RNF19A: variants seen among roughly 807,000 people sequenced by gnomAD.
The protein encoded by RNF19A is ring finger protein 19A, RBR E3 ubiquitin protein ligase.
A neutral mutation model predicts 75.7 loss-of-function variants in RNF19A; 32 were observed. The ratio of observed to expected loss-of-function variants is 0.42; its 90% confidence interval spans 0.32 to 0.57. The LOEUF is 0.57. Ranked by LOEUF, RNF19A falls within the 20% of genes least tolerant of loss-of-function variation. The pLI is 0.10. For synonymous variants in RNF19A, 335 were observed against 345.2 expected (o/e 0.97, Z 0.33); for missense variants, 782 against 1,036.3 (o/e 0.75, Z 3.37).
intron 1 of RNF19A, among the ~76,000 whole-genome samples, chr8:100,296,097 TTTC>T (rs776748241): frequency 6.6e-5 from 10 of 152,178 alleles, no homozygotes; most frequent in Admixed American, 1.3e-4. Context: ...TATTCTTTTT[TTTC>T]TTTTTTTCCT....
At chr8:100,328,891 A>G (rs187938715) in intron 1 of RNF19A, among the ~76,000 whole-genome samples, 82 of 152,366 alleles carry the variant, frequency 5.4e-4, no homozygotes, top group Admixed American at 4.4e-3. Context: ...TGAGCAGGTC[A>G]TAAGGGAATA....
chr8:100,279,519 G>A (rs931221513), intron 2 of RNF19A, among the ~76,000 whole-genome samples: 6 of 151,676 alleles, frequency 4.0e-5, no homozygotes, highest in African/African-American at 9.7e-5. Context: ...GATTACAAGC[G>A]TGAGCCACCA....
At chr8:100,274,074 C>T (rs944111944) in intron 3 of RNF19A, among the ~76,000 whole-genome samples, 1 of 152,120 alleles carries the variant, frequency 6.6e-6, no homozygotes, top group African/African-American at 2.4e-5. Flanking sequence ...CATGAGCCAC[C>T]GTGACTGGCC....
chr8:100,292,746 C>T (rs1285391626), intron 1 of RNF19A, among the ~76,000 whole-genome samples: 1 of 152,154 alleles, frequency 6.6e-6, no homozygotes, highest in Non-Finnish European at 1.5e-5. Context: ...CTCCATGCCC[C>T]ACCCCCTACA....
At position 100,261,831 on chromosome 8, in the gene RNF19A, C is replaced by T; in HGVS notation, c.1469-76G>A. On this transcript the variant is annotated intron_variant, in intron 7 of 9. Coordinates refer to ENST00000341084, the MANE Select transcript of RNF19A (RefSeq NM_183419.4). The surrounding 1 kb of genome is among the most constrained non-coding windows in gnomAD (Gnocchi z 4.4). Reference sequence around the variant, plus strand: ...TCCTTCTTAAATTCCTCCATGATTTCAGAGAGGACATTATATAAGGTATAA... The same window carrying T: ...TCCTTCTTAAATTCCTCCATGATTTTAGAGAGGACATTATATAAGGTATAA... 1 of 1,402,250 alleles carries T rather than the reference C, an allele frequency of 7.1e-7. No homozygotes were observed. Among genetic ancestry groups the T allele is most frequent in the Non-Finnish European group, 1.0e-6 (1 of 989,140 alleles). The allele number at this position is 1,402,250 out of a possible 1,614,324, so 86.9% of individuals were successfully genotyped here.
intron 1 of RNF19A, among the ~76,000 whole-genome samples, chr8:100,335,608 A>G (rs1332240192): frequency 1.3e-5 from 2 of 152,272 alleles, no homozygotes; most frequent in African/African-American, 2.4e-5. Context: ...TTCCTTAAAT[A>G]GAAGAAACTG....
chr8:100,283,729 C>T (rs1015912853), intron 2 of RNF19A, among the ~76,000 whole-genome samples: 3 of 152,076 alleles, frequency 2.0e-5, no homozygotes, highest in Non-Finnish European at 2.9e-5. Flanking sequence ...ATGTTCATAC[C>T]TATAAATAAC....
chr8:100,292,564 G>A (rs1411069617), intron 1 of RNF19A, among the ~76,000 whole-genome samples: 1 of 151,656 alleles, frequency 6.6e-6, no homozygotes, highest in African/African-American at 2.4e-5. Flanking sequence ...TCTGACTTTT[G>A]ACTTCTACAC....
chr8:100,300,809 G>C (rs1017910233), intron 1 of RNF19A, among the ~76,000 whole-genome samples: 1 of 152,118 alleles, frequency 6.6e-6, no homozygotes, highest in Non-Finnish European at 1.5e-5. Flanking sequence ...ATTTGAAAAA[G>C]CAGCCATCAA....
At position 100,257,824 on chromosome 8, in the gene RNF19A, A is replaced by AT. The variant is rs1356583394; in HGVS notation, c.*731dup. On this transcript the variant is annotated 3_prime_UTR_variant, in exon 10 of 10. Transcript: ENST00000341084. ...GATTTTTTGTAATACTTATAACCTAATGGGACTTTATTTTGTAGTTTTATG... is the reference window on the plus strand; with the variant it reads ...GATTTTTTGTAATACTTATAACCTAATTGGGACTTTATTTTGTAGTTTTATG... The AT allele has an allele frequency of 2.0e-5, 8 of 391,314 alleles. No homozygotes were observed. The highest frequency in any genetic ancestry group is 3.6e-5 in the Non-Finnish European group (8 of 221,742). 24.2% of individuals were successfully genotyped at this position (391,314 alleles called of 1,614,324 possible).
chr8:100,285,931 G>A (rs1352696979), intron 2 of RNF19A, among the ~76,000 whole-genome samples: 1 of 152,158 alleles, frequency 6.6e-6, no homozygotes, highest in East Asian at 1.9e-4. Context: ...ATATTCCTCA[G>A]TACCTGAACT....
chr8:100,298,982 C>T (rs75249837), intron 1 of RNF19A, among the ~76,000 whole-genome samples: 6,774 of 152,144 alleles, frequency 0.045, 454 homozygotes, highest in African/African-American at 0.14. Flanking sequence ...AAAAAAGATA[C>T]CTAGCTGTCA....
chr8:100,292,142 G>GT (rs1821327577), intron 1 of RNF19A, among the ~76,000 whole-genome samples: 1 of 151,714 alleles, frequency 6.6e-6, no homozygotes, highest in Admixed American at 6.6e-5. Flanking sequence ...GCTGTATTCT[G>GT]TATTACAAAA....
intron 1 of RNF19A, among the ~76,000 whole-genome samples, chr8:100,290,026 C>A (rs1271786383): frequency 6.6e-6 from 1 of 152,118 alleles, no homozygotes; most frequent in East Asian, 1.9e-4. Flanking sequence ...TGGTATAATT[C>A]TATTTATAAA....
rs138631931 is a variant in RNF19A, at chr8:100,324,808, TCTTCCTTCCTTC to T, written c.-243+11288_-243+11299del. 2.0e-5 allele frequency among the ~76,000 whole-genome samples: 3 copies of T among 148,112 alleles called. No homozygotes were observed. Among genetic ancestry groups the T allele is most frequent in the African/African-American group, 7.3e-5 (3 of 41,058 alleles). The stretch of plus-strand genomic sequence containing the variant: ...ATCTTTTTTCTTTCTTTCTCTTTCT[TCTTCCTTCCTTC>T]CTTCCTTCCTCCTTCTTCCTCCCTC... On this transcript the variant is annotated intron_variant, in intron 1 of 3. Transcript: ENST00000519527. This position sits in a 1 kb window ranked among gnomAD's most constrained non-coding sequence, Gnocchi z 4.2.
intron 1 of RNF19A, among the ~76,000 whole-genome samples, chr8:100,298,177 T>C (rs1295109310): frequency 2.0e-5 from 3 of 146,794 alleles, no homozygotes; most frequent in Non-Finnish European, 4.5e-5. Context: ...CAAATGTACC[T>C]AAATTTACCA....
intron 1 of RNF19A, among the ~76,000 whole-genome samples, chr8:100,302,303 T>C (rs964616473): frequency 1.3e-5 from 2 of 152,134 alleles, no homozygotes; most frequent in Non-Finnish European, 2.9e-5. Context: ...GGCACATCAG[T>C]GAAGGTGTTG....
At chr8:100,273,705 C>G (rs1319219227) in intron 3 of RNF19A, among the ~76,000 whole-genome samples, 1 of 152,162 alleles carries the variant, frequency 6.6e-6, no homozygotes, top group African/African-American at 2.4e-5. Context: ...CCTCATATAG[C>G]AAAAGCACTT....
chr8:100,282,975 T>TGA (rs1563848653), intron 2 of RNF19A, among the ~76,000 whole-genome samples: 2 of 152,212 alleles, frequency 1.3e-5, no homozygotes, highest in Non-Finnish European at 2.9e-5. Context: ...CAAATGTATA[T>TGA]GAGTTATGTT....
Sources: allele counts gnomAD v4.1 joint callset (sites outside exome capture counted in the v4.1 genomes callset), GRCh38; gene constraint gnomAD v4.1.1; non-coding constraint Gnocchi (gnomAD v3.1); transcripts MANE v1.5; gene names NCBI Gene and HGNC (gene_info 2026-07-23, HGNC 2026-07-21).